Variants in TMEM9 observed in about 807,000 individuals in gnomAD.
TMEM9 encodes the protein transmembrane protein 9.
Under a neutral mutation model 22.8 loss-of-function variants are expected in TMEM9, and 13 were observed. That is an observed-to-expected ratio of 0.57 (90% CI 0.37 to 0.91). TMEM9 has a LOEUF of 0.91. TMEM9 is among the 40% of genes least tolerant of loss of function. The pLI, the probability that TMEM9 is intolerant of heterozygous loss-of-function variation, is 0.01. For missense variants in TMEM9, 182 were observed against 238.1 expected (o/e 0.76, Z 1.55); for synonymous variants, 88 against 93.0 (o/e 0.95, Z 0.31).
upstream of TMEM9, among the ~76,000 whole-genome samples, chr1:201,158,575 G>A (rs1358749949): frequency 6.6e-6 from 1 of 152,134 alleles, no homozygotes; most frequent in Non-Finnish European, 1.5e-5. Flanking sequence ...GGAAGGCAGG[G>A]AGCTCAGTGA....
intron 1 of TMEM9, among the ~76,000 whole-genome samples, chr1:201,166,521 C>G (rs550553635): frequency 6.6e-6 from 1 of 152,004 alleles, no homozygotes; most frequent in Non-Finnish European, 1.5e-5. Context: ...TGCCACCATG[C>G]CCGGCTAATT....
intron 1 of TMEM9, among the ~76,000 whole-genome samples, chr1:201,168,725 T>C (rs1666140668): frequency 6.6e-6 from 1 of 152,108 alleles, no homozygotes; most frequent in African/African-American, 2.4e-5. Flanking sequence ...TCTCAAAAAA[T>C]TAAAATAAAA....
chr1:201,143,776 G>A (rs373216566), intron 4 of TMEM9, 44 bp downstream of exon 4: 41 of 1,603,680 alleles, frequency 2.6e-5, no homozygotes, highest in Non-Finnish European at 3.2e-5. Context: ...CCCTGGGGAC[G>A]CACATGCAGG....
intron 2 of TMEM9, among the ~76,000 whole-genome samples, chr1:201,147,105 C>G (rs1349122045): frequency 6.6e-6 from 1 of 152,192 alleles, no homozygotes; most frequent in African/African-American, 2.4e-5. Flanking sequence ...AAACCATCAA[C>G]GTTCCCAGGG....
At position 201,143,946 on chromosome 1, in the gene TMEM9, G is replaced by A. The variant is rs771309167; in HGVS notation, c.273C>T (p.Ile91=). 1 of 1,614,154 alleles carries A rather than the reference G, an allele frequency of 6.2e-7. No individual in the cohort carries two copies. The highest frequency in any genetic ancestry group is 8.5e-7 in the Non-Finnish European group (1 of 1,180,010). The change falls in exon 4 of 5, where the codon ATC becomes ATT. Residue 91 remains isoleucine (I), a synonymous_variant. Transcript: ENST00000367330. ...EERSTTTIKV[I]IVIYLSVVGA... ...CCACCACGGACAGGTAGATGACAAT[G>A]ATGACCTGAGGAAGAGACCGGCGTG...
At chr1:201,147,263 T>C (rs1272958030) in intron 2 of TMEM9, among the ~76,000 whole-genome samples, 1 of 152,178 alleles carries the variant, frequency 6.6e-6, no homozygotes, top group African/African-American at 2.4e-5. Context: ...GGAGTCACTA[T>C]GTGCATGTCC....
chr1:201,153,397 T>A (rs1464254915), intron 1 of TMEM9, among the ~76,000 whole-genome samples: 1 of 152,212 alleles, frequency 6.6e-6, no homozygotes, highest in Non-Finnish European at 1.5e-5. Flanking sequence ...ATTGAAAATA[T>A]TGTATAAAAT....
At position 201,151,782 on chromosome 1, in the gene TMEM9, T is replaced by C; in HGVS notation, c.137A>G (p.Gln46Arg). The C allele has an allele frequency of 6.2e-7, 1 of 1,614,036 alleles. No homozygotes were observed. Among genetic ancestry groups the C allele is most frequent in the Non-Finnish European group, 8.5e-7 (1 of 1,179,946 alleles). Residue 46 changes from glutamine (Q) to arginine (R), a missense_variant, in exon 2 of 5, where the codon CAG (glutamine) becomes CGG (arginine). Coordinates refer to ENST00000367330, the MANE Select transcript of TMEM9 (RefSeq NM_001288565.2). ...TTACCAGTCCTTCTGGGATACATTCTGGTTGTAAATGTGCCCACTGATGTT... is the reference window on the plus strand; with the variant it reads ...TTACCAGTCCTTCTGGGATACATTCCGGTTGTAAATGTGCCCACTGATGTT... ...YRNISGHIYN[Q>R]NVSQKDCNCL...
intron 4 of TMEM9, among the ~76,000 whole-genome samples, chr1:201,139,779 C>T (rs1312444768): frequency 6.6e-6 from 1 of 152,218 alleles, no homozygotes; most frequent in Non-Finnish European, 1.5e-5. Flanking sequence ...TACACACGAT[C>T]GCAACAGTTA....
chr1:201,137,830 C>T (rs572978251), intron 4 of TMEM9, among the ~76,000 whole-genome samples: 60 of 152,360 alleles, frequency 3.9e-4, no homozygotes, highest in Admixed American at 5.9e-4. Context: ...GTAAGGCTGG[C>T]GGCTGGCTGC....
intron 4 of TMEM9, 120 bp from the exon 5 acceptor site, chr1:201,135,935 T>C: frequency 2.1e-5 from 22 of 1,037,010 alleles, no homozygotes; most frequent in Non-Finnish European, 2.5e-5. Flanking sequence ...ACTGGGAGGC[T>C]GGGCCTCCCC....
At chr1:201,138,199 C>T (rs16847818) in intron 4 of TMEM9, among the ~76,000 whole-genome samples, 43,310 of 152,048 alleles carry the variant, frequency 0.28, 7,382 homozygotes, top group African/African-American at 0.46. Context: ...CTCTGTATCT[C>T]AGGGGAGCGT....
At chr1:201,153,486 T>C (rs1191277823) in intron 1 of TMEM9, among the ~76,000 whole-genome samples, 4 of 152,226 alleles carry the variant, frequency 2.6e-5, no homozygotes, top group South Asian at 2.1e-4. Flanking sequence ...CTCCCCAAGA[T>C]AGCTCATTTT....
In TMEM9 at chr1:201,143,825, T is replaced by C. The variant is rs760969809; in HGVS notation, c.394A>G (p.Asn132Asp). 1 of 1,613,834 alleles carries C rather than the reference T, an allele frequency of 6.2e-7. No homozygotes were observed. Among genetic ancestry groups the C allele is most frequent in the Non-Finnish European group, 8.5e-7 (1 of 1,179,872 alleles). The change falls in exon 4 of 5, where the codon AAT (asparagine) becomes GAT (aspartate). Residue 132 changes from asparagine (N) to aspartate (D), a missense_variant. Coordinates refer to ENST00000367330, the MANE Select transcript of TMEM9 (RefSeq NM_001288565.2). The stretch of plus-strand genomic sequence containing the variant: ...GGCACTCAAAGCCCTCTTACCTCAT[T>C]CTCCTCCTCATTGTGCAGTTGCTCA... ...YTEQLHNEEE[N>D]EDARSMAAAA...
chr1:201,148,345 A>C (rs1210498187), intron 2 of TMEM9, among the ~76,000 whole-genome samples: 1 of 152,156 alleles, frequency 6.6e-6, no homozygotes, highest in Non-Finnish European at 1.5e-5. Context: ...CCTTCCTCAG[A>C]TCAGCATGGT....
chr1:201,135,719 G>C lies in TMEM9; in HGVS notation c.496C>G (p.Leu166Val), dbSNP rs997492951. The C allele has an allele frequency of 4.8e-5, 77 of 1,613,832 alleles. No individual in the cohort carries two copies. The highest frequency in any genetic ancestry group is 6.1e-5 in the Non-Finnish European group (72 of 1,179,940). ...RVEGAQQRWK[L>V]QVQEQRKTVF... ...GTCTTCCGCTGCTCCTGCACCTGCA[G>C]CTTCCACCGCTGCTGGGCACCTTCC... Residue 166 changes from leucine (L) to valine (V), a missense_variant, in exon 5 of 5, where the codon CTG becomes GTG. Coordinates refer to ENST00000367330, the MANE Select transcript of TMEM9 (RefSeq NM_001288565.2).
chr1:201,138,489 C>T (rs1348018268), intron 4 of TMEM9, among the ~76,000 whole-genome samples: 1 of 152,292 alleles, frequency 6.6e-6, no homozygotes, highest in East Asian at 1.9e-4. Flanking sequence ...GGGAGAAATG[C>T]CACCAGTTCC....
At chr1:201,160,715 T>C (rs967960202) in intron 1 of TMEM9, among the ~76,000 whole-genome samples, 2 of 151,766 alleles carry the variant, frequency 1.3e-5, no homozygotes, top group Non-Finnish European at 2.9e-5. Flanking sequence ...GGTGGGCAGA[T>C]CACGAAGTCA....
chr1:201,139,040 A>G (rs1019460735), intron 4 of TMEM9, among the ~76,000 whole-genome samples: 3 of 152,192 alleles, frequency 2.0e-5, no homozygotes, highest in African/African-American at 7.2e-5. Flanking sequence ...GGACCCAAGT[A>G]ACTGTGTGGA....
Sources: gnomAD v4.1 joint callset for allele counts (sites outside exome capture counted in the v4.1 genomes callset) on GRCh38, gnomAD v4.1.1 for gene constraint, MANE v1.5 for transcripts, NCBI Gene and HGNC (gene_info 2026-07-23, HGNC 2026-07-21) for gene names.